TRIO: variants seen among roughly 807,000 people sequenced by gnomAD.
TRIO encodes the protein trio Rho guanine nucleotide exchange factor, also known as triple functional domain protein.
Under a neutral mutation model 351.9 loss-of-function variants are expected in TRIO, and 58 were observed. That is an observed-to-expected ratio of 0.16 (90% CI 0.13 to 0.21). TRIO has a LOEUF of 0.21. TRIO is among the 10% of genes least tolerant of loss of function. The pLI, the probability that TRIO is intolerant of heterozygous loss-of-function variation, is 1.00. For missense variants in TRIO, 3,201 were observed against 4,027.8 expected, an observed-to-expected ratio of 0.79 and a Z score of 5.56; for synonymous variants, 1,758 against 1,595.7, an observed-to-expected ratio of 1.10 and a Z score of -2.42.
intron 1 of TRIO, among the ~76,000 whole-genome samples, chr5:14,194,364 T>C (rs1790636134): frequency 1.3e-5 from 2 of 152,266 alleles, no homozygotes; most frequent in African/African-American, 4.8e-5. Context: ...GCTCGTATTA[T>C]GTGATCTCTT....
At chr5:14,325,798 T>A (rs552800611) in intron 9 of TRIO, among the ~76,000 whole-genome samples, 1 of 152,208 alleles carries the variant, frequency 6.6e-6, no homozygotes, top group Non-Finnish European at 1.5e-5. Flanking sequence ...ATTTTACAAA[T>A]AGCTTATACA....
At chr5:14,261,166 G>A (rs998751188) in intron 1 of TRIO, among the ~76,000 whole-genome samples, 1 of 152,200 alleles carries the variant, frequency 6.6e-6, no homozygotes, top group Non-Finnish European at 1.5e-5. Context: ...CCAAATCGTG[G>A]TTCAGTGCTG....
intron 34 of TRIO, among the ~76,000 whole-genome samples, chr5:14,443,310 G>A (rs983973883): frequency 6.6e-6 from 1 of 152,108 alleles, no homozygotes; most frequent in Admixed American, 6.5e-5. Context: ...ATAAGAAAAA[G>A]CGAAATTCGT....
intron 9 of TRIO, among the ~76,000 whole-genome samples, chr5:14,324,325 T>C (rs1454532127): frequency 1.3e-5 from 2 of 152,258 alleles, no homozygotes; most frequent in Admixed American, 1.3e-4. Context: ...CTTATTTTCA[T>C]TTTTGTGTGC....
intron 3 of TRIO, 141 bp downstream of exon 3, chr5:14,280,577 T>G: frequency 1.4e-6 from 1 of 737,096 alleles, no homozygotes; most frequent in Non-Finnish European, 2.2e-6. Flanking sequence ...TTTCACCTTA[T>G]TACCATTTTG....
rs1399503543 is a variant in TRIO at position 14,397,159 on chromosome 5, A to G, written c.4423+5A>G. On this transcript the variant is annotated splice_donor_5th_base_variant and intron_variant, in intron 29 of 56. Coordinates refer to ENST00000344204, the MANE Select transcript of TRIO (RefSeq NM_007118.4). ...TGCACCTCAGCATGCTGGAAGGTAA[A>G]GGACCCTCCATACCCCAGTGTGCAT... The G allele has an allele frequency of 1.3e-6, 2 of 1,597,352 alleles. No homozygotes were observed. Among genetic ancestry groups the G allele is most frequent in the Non-Finnish European group, 1.7e-6 (2 of 1,172,068 alleles).
At position 14,471,648 on chromosome 5, in the gene TRIO, T is replaced by C. The variant is rs551334653; in HGVS notation, c.5912+182T>C. On this transcript the variant is annotated intron_variant, in intron 38 of 56. Transcript: ENST00000344204. Reference sequence around the variant, plus strand: ...TAATAAGGGCACAGTATTCCATAGCTGCAGTTTCTTGTTTTATTTGTATAT... The same window carrying C: ...TAATAAGGGCACAGTATTCCATAGCCGCAGTTTCTTGTTTTATTTGTATAT... 2.0e-5 allele frequency among the ~76,000 whole-genome samples: 3 copies of C among 152,320 alleles called. No homozygotes were observed. In the South Asian group the frequency reaches 6.2e-4, roughly 32 times the overall value.
At chr5:14,426,420 G>C (rs114799218) in intron 34 of TRIO, among the ~76,000 whole-genome samples, 1,630 of 152,314 alleles carry the variant, frequency 0.011, 29 homozygotes, top group African/African-American at 0.037. Context: ...GGAGAGAGCA[G>C]AATAAATCTT....
At chr5:14,323,650 T>TG (rs919073386) in intron 9 of TRIO, among the ~76,000 whole-genome samples, 3 of 152,214 alleles carry the variant, frequency 2.0e-5, no homozygotes, top group Non-Finnish European at 4.4e-5. Flanking sequence ...ATTAGACAGC[T>TG]GGGGGTGAAT....
chr5:14,451,828 A>G lies in TRIO; in HGVS notation c.5204-9191A>G, dbSNP rs140391966. On this transcript the variant is annotated intron_variant, in intron 34 of 56. Transcript: ENST00000344204. The stretch of plus-strand genomic sequence containing the variant: ...AGAACTTGCCTCTGAGTTGTGCTGT[A>G]TCCTGGTTAGAGTTTTTATCAAGAC... Among the ~76,000 whole-genome samples, 885 of 152,370 alleles carry G rather than the reference A, an allele frequency of 5.8e-3. 10 individuals carry two copies. Among genetic ancestry groups the G allele is most frequent in the African/African-American group, 0.02 (835 of 41,592 alleles).
intron 11 of TRIO, among the ~76,000 whole-genome samples, chr5:14,346,052 G>A (rs1742387151): frequency 6.6e-6 from 1 of 152,172 alleles, no homozygotes; most frequent in Non-Finnish European, 1.5e-5. Context: ...TAGAGAGATT[G>A]GCCAACAATG....
At position 14,471,478 on chromosome 5, in the gene TRIO, A is replaced by C. The variant is rs950484139; in HGVS notation, c.5912+12A>C. 6.2e-7 allele frequency: 1 copy of C among 1,613,738 alleles called. No individual in the cohort carries two copies. Among genetic ancestry groups the C allele is most frequent in the African/African-American group, 1.3e-5 (1 of 74,912 alleles). ...TTAAAGAGAAGACAGTAAGACAGAA[A>C]TGTTTTCATTCTTATTGTTCTCTGG... On this transcript the variant is annotated intron_variant, in intron 38 of 56. Transcript: ENST00000344204.
At chr5:14,165,803 G>A (rs1431093822) in intron 1 of TRIO, among the ~76,000 whole-genome samples, 1 of 152,144 alleles carries the variant, frequency 6.6e-6, no homozygotes, top group Non-Finnish European at 1.5e-5. Context: ...AACTCTACCG[G>A]TGGTGTCATT....
chr5:14,164,643 G>A (rs1215673490), intron 1 of TRIO, among the ~76,000 whole-genome samples: 4 of 152,208 alleles, frequency 2.6e-5, no homozygotes, highest in African/African-American at 9.7e-5. Context: ...TAAAGAGTAA[G>A]TAGTTCTCCA....
At chr5:14,458,036 T>C (rs973541018) in intron 34 of TRIO, among the ~76,000 whole-genome samples, 8 of 151,140 alleles carry the variant, frequency 5.3e-5, no homozygotes, top group African/African-American at 1.7e-4. Flanking sequence ...TAAGTGGGCC[T>C]GGGTCTTTTT....
intron 13 of TRIO, among the ~76,000 whole-genome samples, chr5:14,360,987 G>C (rs1744101241): frequency 6.6e-6 from 1 of 152,212 alleles, no homozygotes; most frequent in Non-Finnish European, 1.5e-5. Context: ...TGCCCCGTGA[G>C]GGCCTGCCAT....
chr5:14,344,819 A>G (rs1262689813), intron 11 of TRIO, among the ~76,000 whole-genome samples: 1 of 152,186 alleles, frequency 6.6e-6, no homozygotes, highest in African/African-American at 2.4e-5. Flanking sequence ...CGTGGGATAT[A>G]CACAACTCTG....
Position 14,276,035 on chromosome 5 carries a change from A to G in TRIO, c.233-4287A>G, listed in dbSNP as rs567783890. 2.8e-5 allele frequency among the ~76,000 whole-genome samples: 4 copies of G among 140,652 alleles called. No individual in the cohort carries two copies. In the South Asian group the frequency reaches 9.0e-4, roughly 32 times the overall value. 92.3% of individuals were successfully genotyped at this position (140,652 alleles called of 152,430 possible). A position where few individuals can be genotyped will look rare whatever the true frequency, so the allele number is the denominator to read the frequency against. On this transcript the variant is annotated intron_variant, in intron 2 of 56. Coordinates refer to ENST00000344204, the MANE Select transcript of TRIO (RefSeq NM_007118.4). ...ATATAGTTAATTCAGTCAGATGCCC[A>G]TTGATGGACATTTGTTTTTTTTTTT...
At chr5:14,164,620 A>G (rs1409337661) in intron 1 of TRIO, among the ~76,000 whole-genome samples, 1 of 150,788 alleles carries the variant, frequency 6.6e-6, no homozygotes, top group Admixed American at 6.6e-5. Context: ...ATGGCCTCTC[A>G]ACGTACTGGA....
Sources: allele counts gnomAD v4.1 joint callset (sites outside exome capture counted in the v4.1 genomes callset), GRCh38; gene constraint gnomAD v4.1.1; transcripts MANE v1.5; gene names NCBI Gene and HGNC (gene_info 2026-07-23, HGNC 2026-07-21).